The following ACSM6 variants were observed in gnomAD, a reference collection of about 807,000 sequenced individuals.
The protein encoded by ACSM6 is acyl-coenzyme A synthetase ACSM6, mitochondrial.
ACSM6 carries 35 observed loss-of-function variants against 51.1 expected under a neutral mutation model. That is an observed-to-expected ratio of 0.69 (90% confidence interval 0.52 to 0.91). ACSM6 has a LOEUF of 0.91. Among genes scored for constraint, ACSM6 ranks in the 40% least tolerant of loss-of-function variants. The probability of loss-of-function intolerance (pLI) is 0.00; values close to 1 mark genes in which losing one functional copy is unlikely to be tolerated. For synonymous variants in ACSM6, 172 were observed against 207.3 expected (o/e 0.83, Z 1.46); for missense variants, 509 against 584.1 (o/e 0.87, Z 1.32).
intron 2 of ACSM6, among the ~76,000 whole-genome samples, chr10:95,196,184 T>A (rs769081348): frequency 6.6e-6 from 1 of 152,226 alleles, no homozygotes; most frequent in East Asian, 1.9e-4. Flanking sequence ...AGAGCCTTGT[T>A]CCTTTGCTCA....
intron 9 of ACSM6, among the ~76,000 whole-genome samples, chr10:95,221,646 A>T (rs1379581881): frequency 6.6e-6 from 1 of 152,196 alleles, no homozygotes; most frequent in Non-Finnish European, 1.5e-5. Context: ...GAAAAAATGG[A>T]TAAAGTCCTA....
At chr10:95,210,905 T>G in intron 5 of ACSM6, 112 bp downstream of exon 5, 1 of 1,272,194 alleles carries the variant, frequency 7.9e-7, no homozygotes, top group Non-Finnish European at 1.1e-6. Flanking sequence ...CTGCAGAAAG[T>G]GTCAATATTG....
At chr10:95,205,000 G>A (rs1012654776) in intron 3 of ACSM6, among the ~76,000 whole-genome samples, 1 of 152,130 alleles carries the variant, frequency 6.6e-6, no homozygotes, top group South Asian at 2.1e-4. Context: ...TGCCCTTTTG[G>A]TGGCATCCAG....
At chr10:95,197,723 A>G (rs1295584453) in intron 2 of ACSM6, among the ~76,000 whole-genome samples, 1 of 152,216 alleles carries the variant, frequency 6.6e-6, no homozygotes, top group Non-Finnish European at 1.5e-5. Context: ...CTCTATCTCA[A>G]CTGCAAGAGG....
At chr10:95,213,312 C>A (rs577472289) in intron 7 of ACSM6, among the ~76,000 whole-genome samples, 11 of 152,296 alleles carry the variant, frequency 7.2e-5, no homozygotes, top group Admixed American at 2.6e-4. Context: ...CGCCAGCACT[C>A]ATTTCTCAGA....
chr10:95,220,242 T>C (rs1044351250), intron 9 of ACSM6, among the ~76,000 whole-genome samples: 54 of 151,998 alleles, frequency 3.6e-4, no homozygotes, highest in African/African-American at 1.2e-3. Flanking sequence ...AGAAATCGAA[T>C]AAAAAAAATT....
At chr10:95,228,746 G>T in exon 11 of ACSM6, 1 of 1,551,704 alleles carries the variant, frequency 6.4e-7, no homozygotes, top group Non-Finnish European at 8.7e-7. Flanking sequence ...GTCTGGTAGA[G>T]TTGATGATGT....
intron 10 of ACSM6, 114 bp from the exon 11 acceptor site, chr10:95,228,530 T>A (rs2133398858): frequency 9.4e-7 from 1 of 1,064,692 alleles, no homozygotes; most frequent in Admixed American, 3.4e-5. Flanking sequence ...AGAGTGGGGA[T>A]CCTGACTTAT....
At chr10:95,213,316 T>C (rs2034913223) in intron 7 of ACSM6, among the ~76,000 whole-genome samples, 1 of 152,184 alleles carries the variant, frequency 6.6e-6, no homozygotes, top group South Asian at 2.1e-4. Context: ...AGCACTCATT[T>C]CTCAGAGCAA....
At chr10:95,207,465 T>C (rs1486552203) in intron 4 of ACSM6, 50 bp downstream of exon 4, 3 of 1,568,868 alleles carry the variant, frequency 1.9e-6, no homozygotes, top group Non-Finnish European at 2.6e-6. Context: ...ATGTTTGACT[T>C]TGAAAGATGA....
intron 9 of ACSM6, among the ~76,000 whole-genome samples, chr10:95,224,039 A>G (rs10882569): frequency 0.31 from 47,839 of 151,982 alleles, 8,207 homozygotes; most frequent in Non-Finnish European, 0.39. Context: ...TAATAGAACA[A>G]TCTCATTGAA....
intron 3 of ACSM6, among the ~76,000 whole-genome samples, chr10:95,204,893 A>G (rs947214115): frequency 1.7e-4 from 26 of 152,218 alleles, no homozygotes; most frequent in Admixed American, 4.6e-4. Context: ...ACTATAATGT[A>G]TAAGAAACAT....
chr10:95,228,913 A>G, exon 11 of ACSM6: 1 of 993,524 alleles, frequency 1.0e-6, no homozygotes, highest in Non-Finnish European at 1.4e-6. Context: ...AAAAAATAAA[A>G]CTCATCCATA....
At chr10:95,218,472 GCT>G (rs1213400006) in intron 8 of ACSM6, among the ~76,000 whole-genome samples, 2 of 152,188 alleles carry the variant, frequency 1.3e-5, no homozygotes, top group Non-Finnish European at 2.9e-5. Context: ...TAAAACATCA[GCT>G]CTCTCTTTCT....
intron 2 of ACSM6, among the ~76,000 whole-genome samples, chr10:95,197,514 T>C (rs1041076339): frequency 6.6e-6 from 1 of 152,152 alleles, no homozygotes; most frequent in Non-Finnish European, 1.5e-5. Flanking sequence ...TGCCTGGATG[T>C]GCACATAAGC....
At chr10:95,211,245 A>G (rs970281745) in intron 5 of ACSM6, among the ~76,000 whole-genome samples, 3 of 152,234 alleles carry the variant, frequency 2.0e-5, no homozygotes, top group African/African-American at 7.2e-5. Flanking sequence ...AAATTAGTTA[A>G]GTAGCTCATG....
intron 6 of ACSM6, 108 bp downstream of exon 6, chr10:95,212,142 G>C: frequency 7.4e-7 from 1 of 1,349,662 alleles, no homozygotes; most frequent in Non-Finnish European, 1.0e-6. Context: ...AGTTAAATTT[G>C]GAATGTGATC....
At chr10:95,215,524 C>T (rs1376265760) in intron 8 of ACSM6, among the ~76,000 whole-genome samples, 1 of 151,940 alleles carries the variant, frequency 6.6e-6, no homozygotes, top group Non-Finnish European at 1.5e-5. Context: ...CAAGAAGGTG[C>T]AATAAAAGGG....
exon 11 of ACSM6, chr10:95,228,823 G>T: frequency 6.5e-7 from 1 of 1,536,586 alleles, no homozygotes; most frequent in Non-Finnish European, 8.8e-7. Context: ...GGCTGTGGGA[G>T]TTTGAAGAAG....
Sources: allele counts gnomAD v4.1 joint callset (sites outside exome capture counted in the v4.1 genomes callset), GRCh38; gene constraint gnomAD v4.1.1; transcripts MANE v1.5; gene names NCBI Gene and HGNC (gene_info 2026-07-23, HGNC 2026-07-21).